PLGRKT: variants seen among roughly 807,000 people sequenced by gnomAD.
The protein encoded by PLGRKT is plasminogen receptor (KT).
PLGRKT carries 22 observed loss-of-function variants against 18.5 expected under a neutral mutation model. The observed-to-expected ratio is 1.19, with a 90% CI of 0.85 to 1.70. The LOEUF is 1.70. Ranked by LOEUF, PLGRKT falls within the 40% of genes most tolerant of loss-of-function variation. The probability of loss-of-function intolerance (pLI) is 0.00; values close to 1 mark genes in which losing one functional copy is unlikely to be tolerated. For synonymous variants in PLGRKT, 72 were observed against 52.8 expected (o/e 1.36, Z -1.58); for missense variants, 235 against 174.4 (o/e 1.35, Z -1.96).
chr9:5,425,680 G>A (rs554188469), intron 3 of PLGRKT, among the ~76,000 whole-genome samples: 1 of 152,286 alleles, frequency 6.6e-6, no homozygotes, highest in East Asian at 1.9e-4. Flanking sequence ...GAAGGTCTGA[G>A]GTGGGACCCA....
At chr9:5,360,465 AT>A (rs1254008766) in intron 5 of PLGRKT, among the ~76,000 whole-genome samples, 1 of 152,200 alleles carries the variant, frequency 6.6e-6, no homozygotes, top group East Asian at 1.9e-4. Flanking sequence ...ATAAAACTTT[AT>A]TTTGGAAAAC....
At chr9:5,382,066 C>T in intron 3 of PLGRKT, 4 of 922,544 alleles carry the variant, frequency 4.3e-6, no homozygotes, top group Non-Finnish European at 5.2e-6. Context: ...CACAACTTTC[C>T]TGTTTTATTC....
chr9:5,361,889 C>G lies in PLGRKT; in HGVS notation c.82-1G>C. The G allele has an allele frequency of 6.2e-7, 1 of 1,611,562 alleles. No homozygotes were observed. The highest frequency in any genetic ancestry group is 2.2e-5 in the East Asian group (1 of 44,788). On this transcript the variant is annotated splice_acceptor_variant, in intron 3 of 5. Coordinates refer to ENST00000223864, the MANE Select transcript of PLGRKT (RefSeq NM_018465.4). LOFTEE classifies it high-confidence loss of function. Reference sequence around the variant, plus strand: ...TCTGCATGATGAGCTGCCTTTCCAGCTAAGGACAAAACAAAAGACAAAGTA... The same window carrying G: ...TCTGCATGATGAGCTGCCTTTCCAGGTAAGGACAAAACAAAAGACAAAGTA...
chr9:5,395,415 G>T (rs1818025635), intron 3 of PLGRKT, among the ~76,000 whole-genome samples: 1 of 150,656 alleles, frequency 6.6e-6, no homozygotes, highest in Non-Finnish European at 1.5e-5. Context: ...TTCAATTCTG[G>T]ACTTCAATTC....
intron 3 of PLGRKT, among the ~76,000 whole-genome samples, chr9:5,371,795 G>T (rs1817522428): frequency 1.3e-5 from 2 of 151,770 alleles, no homozygotes; most frequent in African/African-American, 4.8e-5. Flanking sequence ...CATTTATCCT[G>T]TATTTCCTCA....
intron 3 of PLGRKT, among the ~76,000 whole-genome samples, chr9:5,424,458 CATA>C (rs1249964745): frequency 1.7e-5 from 2 of 116,724 alleles, no homozygotes; most frequent in Admixed American, 9.6e-5. Context: ...TATATTATAA[CATA>C]ATATATAACA....
At chr9:5,415,285 C>A (rs547642796) in intron 3 of PLGRKT, among the ~76,000 whole-genome samples, 9 of 152,188 alleles carry the variant, frequency 5.9e-5, no homozygotes, top group African/African-American at 2.2e-4. Context: ...TAGTTTATAA[C>A]CCATAGAGTA....
chr9:5,404,526 C>A (rs754422609), intron 3 of PLGRKT, among the ~76,000 whole-genome samples: 1 of 152,132 alleles, frequency 6.6e-6, no homozygotes, highest in Non-Finnish European at 1.5e-5. Flanking sequence ...AAGACAAAAA[C>A]CATATAATTA....
At chr9:5,382,427 T>C (rs1039518045) in intron 3 of PLGRKT, among the ~76,000 whole-genome samples, 7 of 151,582 alleles carry the variant, frequency 4.6e-5, no homozygotes, top group Admixed American at 4.6e-4. Flanking sequence ...TGAGGGGAGA[T>C]AGGAATGAGG....
rs10815214 is a variant in PLGRKT at position 5,418,334 on chromosome 9, T to C, written c.81+13563A>G. ...ATCACCAATGTGCTCAACCCCTAAGTTGGCACCCACAAGAGACTTCCCTGC... is the reference window on the plus strand; with the variant it reads ...ATCACCAATGTGCTCAACCCCTAAGCTGGCACCCACAAGAGACTTCCCTGC... On this transcript the variant is annotated intron_variant, in intron 3 of 5. Coordinates refer to ENST00000223864, the MANE Select transcript of PLGRKT (RefSeq NM_018465.4). The surrounding 1 kb of genome is among the most constrained non-coding windows in gnomAD (Gnocchi z 4.2). 0.27 allele frequency: 166,144 copies of C among 623,254 alleles called. 25,236 individuals carry two copies. The highest frequency in any genetic ancestry group is 0.49 in the African/African-American group (26,595 of 54,172). The allele number at this position is 623,254 out of a possible 1,614,324, so 38.6% of individuals were successfully genotyped here.
At chr9:5,412,805 T>A (rs561572034) in intron 3 of PLGRKT, among the ~76,000 whole-genome samples, 56 of 152,204 alleles carry the variant, frequency 3.7e-4, no homozygotes, top group African/African-American at 1.3e-3. Flanking sequence ...GGTGTAAAAA[T>A]TTTTAAACCA....
chr9:5,417,303 A>C (rs1818480989), intron 3 of PLGRKT, among the ~76,000 whole-genome samples: 1 of 152,214 alleles, frequency 6.6e-6, no homozygotes, highest in Non-Finnish European at 1.5e-5. Flanking sequence ...AATGGACCTC[A>C]TACCAAGACA....
intron 3 of PLGRKT, among the ~76,000 whole-genome samples, chr9:5,384,958 T>A (rs922705041): frequency 6.6e-6 from 1 of 152,182 alleles, no homozygotes. Context: ...TGCTTACACC[T>A]TTATTTAACA....
intron 3 of PLGRKT, among the ~76,000 whole-genome samples, chr9:5,393,110 G>A (rs1817980360): frequency 6.6e-6 from 1 of 151,754 alleles, no homozygotes; most frequent in Non-Finnish European, 1.5e-5. Context: ...CCAAAGTACT[G>A]GGATTACAGG....
At chr9:5,361,272 G>A (rs1817259579) in intron 4 of PLGRKT, 85 bp from the exon 5 acceptor site, 1 of 705,538 alleles carries the variant, frequency 1.4e-6, no homozygotes. Context: ...AAAAATACCT[G>A]CTTTTTGGAA....
At chr9:5,377,466 C>G (rs1288198059) in intron 3 of PLGRKT, among the ~76,000 whole-genome samples, 1 of 151,904 alleles carries the variant, frequency 6.6e-6, no homozygotes, top group Admixed American at 6.6e-5. Flanking sequence ...TTTTTTTCTC[C>G]TTTGTATTTA....
At chr9:5,364,192 G>A (rs1266832745) in intron 3 of PLGRKT, among the ~76,000 whole-genome samples, 1 of 152,138 alleles carries the variant, frequency 6.6e-6, no homozygotes, top group African/African-American at 2.4e-5. Context: ...ATTAAGTCAG[G>A]ATCTGGAGGT....
At chr9:5,364,259 G>C (rs1464789160) in intron 3 of PLGRKT, among the ~76,000 whole-genome samples, 4 of 152,144 alleles carry the variant, frequency 2.6e-5, no homozygotes, top group African/African-American at 7.2e-5. Context: ...GTGCAGCCGG[G>C]ACTGAGAACC....
intron 3 of PLGRKT, among the ~76,000 whole-genome samples, chr9:5,423,785 C>G (rs940043746): frequency 6.7e-6 from 1 of 149,536 alleles, no homozygotes; most frequent in Non-Finnish European, 1.5e-5. Flanking sequence ...CACTGCAACC[C>G]TGACCCCCCC....
Sources: gnomAD v4.1 joint callset for allele counts (sites outside exome capture counted in the v4.1 genomes callset) on GRCh38, gnomAD v4.1.1 for gene constraint, Gnocchi (gnomAD v3.1) non-coding constraint, MANE v1.5 for transcripts, NCBI Gene and HGNC (gene_info 2026-07-23, HGNC 2026-07-21) for gene names.